PDE4B: variants seen among roughly 807,000 people sequenced by gnomAD.
PDE4B encodes the protein 3',5'-cyclic-AMP phosphodiesterase 4B.
PDE4B carries 20 observed loss-of-function variants against 82.2 expected under a neutral mutation model. The ratio of observed to expected loss-of-function variants is 0.24; its 90% CI spans 0.17 to 0.35. PDE4B has a LOEUF of 0.35. Among genes scored for constraint, PDE4B ranks in the 10% least tolerant of loss-of-function variants. PDE4B has a pLI of 1.00. For missense variants in PDE4B, 655 were observed against 907.2 expected, an observed-to-expected ratio of 0.72 and a Z score of 3.57; for synonymous variants, 320 against 318.9, an observed-to-expected ratio of 1.00 and a Z score of -0.04.
Position 66,355,530 on chromosome 1 carries a change from A to C in PDE4B, c.751A>C (p.Lys251Gln). ...SVSEMASNKF[K>Q]RMLNRELTHL... is the part of the protein sequence containing the mutation. ...CATTTTTGTTCTTTATAAACAGTTC[A>C]AAAGAATGCTGAACCGGGAGCTGAC... is the stretch of plus-strand genomic sequence containing the variant. The change falls in exon 9 of 17, where the codon AAA becomes CAA. Residue 251 changes from lysine to glutamine, a missense_variant. Physicochemically the swap from Lys to Gln is moderately conservative, Grantham distance 53 (BLOSUM62 1). Coordinates refer to ENST00000341517, the MANE Select transcript of PDE4B (RefSeq NM_002600.4). 1 of 1,607,560 alleles carries C rather than the reference A, an allele frequency of 6.2e-7. No homozygotes were observed.
chr1:66,055,781 T>A (rs746211498), intron 3 of PDE4B, among the ~76,000 whole-genome samples: 45 of 152,292 alleles, frequency 3.0e-4, no homozygotes, highest in Middle Eastern at 3.4e-3. Flanking sequence ...GTAGATAACA[T>A]TTTGAGATAT....
intron 3 of PDE4B, among the ~76,000 whole-genome samples, chr1:66,005,756 A>G (rs940415613): frequency 2.1e-4 from 32 of 152,216 alleles, no homozygotes; most frequent in Admixed American, 4.6e-4. Flanking sequence ...CAACTGCTTC[A>G]TCTGAATAAA....
intron 3 of PDE4B, among the ~76,000 whole-genome samples, chr1:66,060,801 T>C (rs1193692056): frequency 1.3e-5 from 2 of 152,062 alleles, no homozygotes; most frequent in African/African-American, 4.8e-5. Flanking sequence ...CAGGGAACCA[T>C]GTTTGGATTC....
At chr1:66,250,884 T>C (rs1449636148) in intron 4 of PDE4B, among the ~76,000 whole-genome samples, 1 of 152,334 alleles carries the variant, frequency 6.6e-6, no homozygotes, top group East Asian at 1.9e-4. Context: ...TGCAAAGCCT[T>C]ACACAGACAA....
At chr1:65,835,934 T>A (rs866556794) in intron 1 of PDE4B, among the ~76,000 whole-genome samples, 1 of 151,864 alleles carries the variant, frequency 6.6e-6, no homozygotes, top group African/African-American at 2.4e-5. Flanking sequence ...TTTTTATTTA[T>A]ATATTTTTAT....
At chr1:66,215,129 C>T (rs895414770) in intron 3 of PDE4B, among the ~76,000 whole-genome samples, 5 of 152,060 alleles carry the variant, frequency 3.3e-5, no homozygotes, top group Non-Finnish European at 7.4e-5. Context: ...GTGCAAAGCT[C>T]AGCACAGGAA....
At chr1:65,913,389 C>T in intron 2 of PDE4B, 33 bp downstream of exon 2, 2 of 1,606,260 alleles carry the variant, frequency 1.2e-6, no homozygotes, top group Non-Finnish European at 1.7e-6. Flanking sequence ...CATGTTTGGT[C>T]TGTTCAATAA....
intron 1 of PDE4B, among the ~76,000 whole-genome samples, chr1:65,836,674 C>A (rs1190293554): frequency 6.6e-6 from 1 of 152,088 alleles, no homozygotes; most frequent in Non-Finnish European, 1.5e-5. Context: ...TTTGTTTCAA[C>A]TCCTTTACAT....
chr1:66,129,008 C>A (rs1645879153), intron 3 of PDE4B, among the ~76,000 whole-genome samples: 1 of 152,166 alleles, frequency 6.6e-6, no homozygotes, highest in Non-Finnish European at 1.5e-5. Context: ...ACCATATCAG[C>A]AAACTATTAT....
intron 3 of PDE4B, among the ~76,000 whole-genome samples, chr1:66,028,997 T>A (rs151221708): frequency 0.038 from 5,770 of 152,296 alleles, 308 homozygotes; most frequent in African/African-American, 0.12. Context: ...CATTTTCAGA[T>A]ATCTTTTCAG....
intron 1 of PDE4B, among the ~76,000 whole-genome samples, chr1:65,850,048 G>C (rs1646312615): frequency 6.7e-6 from 1 of 150,366 alleles, no homozygotes; most frequent in African/African-American, 2.4e-5. Flanking sequence ...ATTCCCACCA[G>C]CAATACATGA....
At chr1:65,815,203 C>G (rs1645868656) in intron 1 of PDE4B, among the ~76,000 whole-genome samples, 1 of 128,478 alleles carries the variant, frequency 7.8e-6, no homozygotes, top group Non-Finnish European at 1.6e-5. Context: ...GCCATCCCTC[C>G]CCCCTCCCCC....
intron 1 of PDE4B, among the ~76,000 whole-genome samples, chr1:65,861,709 C>A (rs558132531): frequency 1.3e-5 from 2 of 151,960 alleles, no homozygotes; most frequent in African/African-American, 4.8e-5. Context: ...TTGTTTGTGT[C>A]CTCTTTTGTT....
intron 3 of PDE4B, among the ~76,000 whole-genome samples, chr1:66,186,712 A>C (rs1254828403): frequency 6.6e-6 from 1 of 152,188 alleles, no homozygotes; most frequent in African/African-American, 2.4e-5. Context: ...GAAGTTGCCT[A>C]TCAGCTTAAG....
chr1:66,274,159 G>C (rs920581419), intron 7 of PDE4B, among the ~76,000 whole-genome samples: 17 of 149,528 alleles, frequency 1.1e-4, no homozygotes, highest in African/African-American at 4.2e-4. Context: ...TCTGAAAAAT[G>C]GGCATTTTTT....
At chr1:66,108,119 G>T (rs1645408331) in intron 3 of PDE4B, among the ~76,000 whole-genome samples, 1 of 151,826 alleles carries the variant, frequency 6.6e-6, no homozygotes, top group South Asian at 2.1e-4. Context: ...ACAATACATT[G>T]TTATTAAAGA....
At chr1:65,934,714 A>G (rs1244462808) in intron 3 of PDE4B, among the ~76,000 whole-genome samples, 1 of 152,210 alleles carries the variant, frequency 6.6e-6, no homozygotes, top group Non-Finnish European at 1.5e-5. Flanking sequence ...TCACCAAAGG[A>G]GAAGTGGCTA....
intron 1 of PDE4B, among the ~76,000 whole-genome samples, chr1:65,815,340 A>C (rs1645870667): frequency 6.6e-6 from 1 of 152,138 alleles, no homozygotes; most frequent in South Asian, 2.1e-4. Flanking sequence ...TAGATGATTA[A>C]GTTGGTGTTT....
At chr1:66,193,802 G>A (rs1414109059) in intron 3 of PDE4B, among the ~76,000 whole-genome samples, 2 of 152,020 alleles carry the variant, frequency 1.3e-5, no homozygotes, top group Non-Finnish European at 2.9e-5. Context: ...AAAGTAGTAC[G>A]TTAAGTACAC....
Sources: gnomAD v4.1 joint callset for allele counts (sites outside exome capture counted in the v4.1 genomes callset) on GRCh38, gnomAD v4.1.1 for gene constraint, MANE v1.5 for transcripts, NCBI Gene and HGNC (gene_info 2026-07-23, HGNC 2026-07-21) for gene names.